The following ZFHX3 variants were observed in gnomAD, a reference collection of about 807,000 sequenced individuals.
The protein encoded by ZFHX3 is zinc finger homeobox protein 3.
ZFHX3 carries 42 observed loss-of-function variants against 279.1 expected under a neutral mutation model. The observed-to-expected ratio is 0.15, with a 90% CI of 0.12 to 0.19. The LOEUF is 0.19. Ranked by LOEUF, ZFHX3 falls within the 10% of genes least tolerant of loss-of-function variation. The probability of loss-of-function intolerance (pLI) is 1.00; values close to 1 mark genes in which losing one functional copy is unlikely to be tolerated. For missense variants in ZFHX3, 4,981 were observed against 4,754.0 expected (o/e 1.05, Z -1.40); for synonymous variants, 2,293 against 1,957.8 (o/e 1.17, Z -4.52).
chr16:73,401,415 G>A, intron 3 of ZFHX3: 1 of 41,462 alleles, frequency 2.4e-5, no homozygotes, highest in Middle Eastern at 0.014. Context: ...CACCTCAAAA[G>A]CCCAGAGGAC....
intron 8 of ZFHX3, among the ~76,000 whole-genome samples, chr16:73,091,832 G>A (rs1010540833): frequency 6.6e-6 from 1 of 152,116 alleles, no homozygotes; most frequent in Non-Finnish European, 1.5e-5. Context: ...AGGGTATTTC[G>A]AGACGCTAGA....
At chr16:72,991,096 A>T (rs1226312343) in intron 1 of ZFHX3, among the ~76,000 whole-genome samples, 1 of 137,170 alleles carries the variant, frequency 7.3e-6, no homozygotes, top group Non-Finnish European at 1.6e-5. Flanking sequence ...GCAGTCCCTT[A>T]TCCGAGGCTT....
chr16:73,571,358 G>T (rs1567521912), intron 2 of ZFHX3, among the ~76,000 whole-genome samples: 1 of 152,118 alleles, frequency 6.6e-6, no homozygotes, highest in Non-Finnish European at 1.5e-5. Flanking sequence ...TAAACAAAAA[G>T]GTGATTTATA....
chr16:73,834,913 C>CT (rs397855647), intron 1 of ZFHX3, among the ~76,000 whole-genome samples: 1 of 152,060 alleles, frequency 6.6e-6, no homozygotes, highest in African/African-American at 2.4e-5. Context: ...CGTCTCCCCC[C>CT]GTGGGGTCTG....
At chr16:72,872,934 C>T (rs2038200883) in intron 4 of ZFHX3, among the ~76,000 whole-genome samples, 1 of 152,194 alleles carries the variant, frequency 6.6e-6, no homozygotes, top group Non-Finnish European at 1.5e-5. Flanking sequence ...CTCATTGGCT[C>T]CCGACCAGAG....
At chr16:73,858,982 T>G (rs548092260) in intron 1 of ZFHX3, among the ~76,000 whole-genome samples, 3 of 152,194 alleles carry the variant, frequency 2.0e-5, no homozygotes, top group African/African-American at 2.4e-5. Context: ...CAAGCCTAAT[T>G]TATCTATTGG....
At chr16:72,854,453 A>G (rs1015961154) in intron 4 of ZFHX3, among the ~76,000 whole-genome samples, 1 of 152,144 alleles carries the variant, frequency 6.6e-6, no homozygotes, top group Non-Finnish European at 1.5e-5. Flanking sequence ...GGCTTAAAGA[A>G]TGGGGAAACT....
At chr16:73,451,932 A>G (rs1420499450) in intron 3 of ZFHX3, among the ~76,000 whole-genome samples, 1 of 152,196 alleles carries the variant, frequency 6.6e-6, no homozygotes, top group Non-Finnish European at 1.5e-5. Context: ...TTAAGTTGCC[A>G]TGGACAAACA....
chr16:73,802,709 A>G (rs193062447), intron 1 of ZFHX3, among the ~76,000 whole-genome samples: 4 of 152,338 alleles, frequency 2.6e-5, no homozygotes, highest in Non-Finnish European at 4.4e-5. Flanking sequence ...AAGGTTGAAG[A>G]GGGATGTTTT....
intron 2 of ZFHX3, among the ~76,000 whole-genome samples, chr16:73,555,961 T>G (rs1013685979): frequency 4.0e-5 from 6 of 151,280 alleles, no homozygotes; most frequent in Non-Finnish European, 7.4e-5. Context: ...AGAGGGAGGG[T>G]GGCAGGCAGT....
At chr16:73,146,150 C>A (rs1189287887) in intron 5 of ZFHX3, among the ~76,000 whole-genome samples, 1 of 152,080 alleles carries the variant, frequency 6.6e-6, no homozygotes, top group East Asian at 1.9e-4. Flanking sequence ...ATGATCTGGG[C>A]CGGGTGCGGT....
At chr16:73,882,250 C>T (rs1020997735) in intron 1 of ZFHX3, among the ~76,000 whole-genome samples, 1 of 151,914 alleles carries the variant, frequency 6.6e-6, no homozygotes, top group Admixed American at 6.6e-5. Flanking sequence ...GCAGAAATCC[C>T]GACTGAGGTT....
chr16:73,340,051 G>A (rs1439568839), intron 3 of ZFHX3, among the ~76,000 whole-genome samples: 1 of 152,176 alleles, frequency 6.6e-6, no homozygotes, highest in African/African-American at 2.4e-5. Flanking sequence ...CAGCTCAGAG[G>A]GAGGTGAGCA....
At chr16:73,888,047 G>A (rs927511018) in intron 1 of ZFHX3, among the ~76,000 whole-genome samples, 1 of 152,094 alleles carries the variant, frequency 6.6e-6, no homozygotes. Flanking sequence ...GATGCAACGG[G>A]GCCCCTCCTT....
intron 7 of ZFHX3, among the ~76,000 whole-genome samples, chr16:73,102,897 G>C (rs1203955599): frequency 1.3e-5 from 2 of 152,136 alleles, no homozygotes; most frequent in African/African-American, 4.8e-5. Context: ...GGTAGCCATT[G>C]GGTACTGGTG....
chr16:72,941,654 A>T (rs1960414788), intron 3 of ZFHX3, among the ~76,000 whole-genome samples: 1 of 150,888 alleles, frequency 6.6e-6, no homozygotes, highest in Admixed American at 6.6e-5. Flanking sequence ...CCCTGTTTCT[A>T]TTTTTTTTTA....
intron 1 of ZFHX3, among the ~76,000 whole-genome samples, chr16:73,748,271 C>CA (rs2053722001): frequency 1.3e-5 from 2 of 152,140 alleles, no homozygotes; most frequent in African/African-American, 4.8e-5. Context: ...CAAAAACTAA[C>CA]TACATGTCAT....
At chr16:73,349,608 TACTTCCTC>T (rs144550557) in intron 3 of ZFHX3, among the ~76,000 whole-genome samples, 2,234 of 133,132 alleles carry the variant, frequency 0.017, 85 homozygotes, top group African/African-American at 0.073. Context: ...CTCTCTCCCT[TACTTCCTC>T]CCTCCCTTCC....
intron 7 of ZFHX3, among the ~76,000 whole-genome samples, chr16:73,115,377 CAAAAAA>C (rs10685277): frequency 1.1e-4 from 9 of 80,722 alleles, no homozygotes; most frequent in African/African-American, 2.1e-4. Flanking sequence ...CCTATCTCTA[CAAAAAA>C]AAAAAAAAAA....
Sources: allele counts gnomAD v4.1 joint callset (sites outside exome capture counted in the v4.1 genomes callset), GRCh38; gene constraint gnomAD v4.1.1; transcripts MANE v1.5; gene names NCBI Gene and HGNC (gene_info 2026-07-23, HGNC 2026-07-21).